Variants in TMOD3 observed in about 807,000 individuals in gnomAD.
The protein encoded by TMOD3 is tropomodulin-3.
A neutral mutation model predicts 39.2 loss-of-function variants in TMOD3; 20 were observed. The ratio of observed to expected loss-of-function variants is 0.51; its 90% CI spans 0.36 to 0.74. The LOEUF is 0.74. Among genes scored for constraint, TMOD3 ranks in the 30% least tolerant of loss-of-function variants. The probability of loss-of-function intolerance (pLI) is 0.00; values close to 1 mark genes in which losing one functional copy is unlikely to be tolerated. For missense variants in TMOD3, 381 were observed against 412.8 expected, an observed-to-expected ratio of 0.92 and a Z score of 0.67; for synonymous variants, 143 against 145.8, an observed-to-expected ratio of 0.98 and a Z score of 0.14.
At chr15:51,898,524 T>A (rs950925543) in intron 7 of TMOD3, among the ~76,000 whole-genome samples, 2 of 152,350 alleles carry the variant, frequency 1.3e-5, no homozygotes, top group African/African-American at 4.8e-5. Flanking sequence ...ATGTGTTTTA[T>A]CTCTGAATCT....
In TMOD3 at chr15:51,897,470, C is replaced by CA. The variant is rs1365380888; in HGVS notation, c.735+956dup. ...TTCAATCTTTCATTGCTCAGGCAAA[C>CA]AAAAAAAAAAAATTTTTTTTTTTTT... On this transcript the variant is annotated intron_variant, in intron 7 of 9. Coordinates refer to ENST00000308580, the MANE Select transcript of TMOD3 (RefSeq NM_014547.5). 3.1e-4 allele frequency among the ~76,000 whole-genome samples: 39 copies of CA among 125,058 alleles called. 1 individual carries two copies. The South Asian group carries it at 4.7e-3, about 15-fold the overall frequency. The allele number at this position is 125,058 out of a possible 152,430, so 82.0% of individuals were successfully genotyped here.
chr15:51,897,475 A>AG (rs1373334593), intron 7 of TMOD3, among the ~76,000 whole-genome samples: 27 of 141,418 alleles, frequency 1.9e-4, no homozygotes, highest in African/African-American at 7.2e-4. Context: ...GCAAACAAAA[A>AG]AAAAAAATTT....
chr15:51,860,587 A>C, intron 1 of TMOD3: 1 of 560,388 alleles, frequency 1.8e-6, no homozygotes, highest in Non-Finnish European at 3.6e-6. Flanking sequence ...TGAATGGCCA[A>C]CATGGCAGAG....
intron 5 of TMOD3, among the ~76,000 whole-genome samples, chr15:51,891,243 C>A (rs966795152): frequency 7.7e-6 from 1 of 129,134 alleles, no homozygotes; most frequent in Non-Finnish European, 1.6e-5. Flanking sequence ...CAACCTCTTT[C>A]CTTTTTTTTT....
intron 3 of TMOD3, among the ~76,000 whole-genome samples, chr15:51,883,417 C>T (rs2056544330): frequency 6.6e-6 from 1 of 151,982 alleles, no homozygotes; most frequent in Non-Finnish European, 1.5e-5. Flanking sequence ...ATCGGTCCCT[C>T]AAATAAGACA....
intron 1 of TMOD3, among the ~76,000 whole-genome samples, chr15:51,851,151 A>T (rs1040975237): frequency 2.6e-5 from 4 of 152,118 alleles, no homozygotes; most frequent in Admixed American, 2.6e-4. Flanking sequence ...GGGGGGTGAT[A>T]ACCATGGGGA....
chr15:51,901,909 A>C lies in TMOD3; in HGVS notation c.897A>C (p.Thr299=). 1.2e-6 allele frequency: 2 copies of C among 1,614,062 alleles called. No individual in the cohort carries two copies. The highest frequency in any genetic ancestry group is 1.7e-6 in the Non-Finnish European group (2 of 1,179,990). ...KIDNQRQQLG[T]AVELEMAKML... ...TACTCCAGAGGCAGCAGTTGGGGAC[A>C]GCTGTAGAATTGGAAATGGCCAAGA... The change falls in exon 9 of 10, where the codon ACA becomes ACC. Residue 299 remains threonine (T), a synonymous_variant. Coordinates refer to ENST00000308580, the MANE Select transcript of TMOD3 (RefSeq NM_014547.5).
chr15:51,887,021 C>T (rs1047316814), intron 3 of TMOD3, among the ~76,000 whole-genome samples: 1 of 151,922 alleles, frequency 6.6e-6, no homozygotes, highest in African/African-American at 2.4e-5. Context: ...TAGTTTGAGA[C>T]CAGCCTGGCC....
At chr15:51,864,914 C>G (rs893249776) in intron 2 of TMOD3, among the ~76,000 whole-genome samples, 2 of 151,974 alleles carry the variant, frequency 1.3e-5, no homozygotes, top group African/African-American at 2.4e-5. Flanking sequence ...TCTAGCCAGC[C>G]CTGGAAGGAG....
chr15:51,878,134 A>G (rs904868203), intron 3 of TMOD3, among the ~76,000 whole-genome samples: 2 of 152,210 alleles, frequency 1.3e-5, no homozygotes, highest in East Asian at 1.9e-4. Context: ...GCAGCCTGGA[A>G]CCTTTCTCCA....
intron 5 of TMOD3, among the ~76,000 whole-genome samples, chr15:51,889,677 AT>A (rs747333473): frequency 1.4e-3 from 210 of 152,150 alleles, no homozygotes; most frequent in Non-Finnish European, 1.7e-3. Context: ...CAGGACCAGC[AT>A]TGGAAACGTA....
intron 1 of TMOD3, among the ~76,000 whole-genome samples, chr15:51,834,331 T>G (rs964637041): frequency 7.2e-5 from 11 of 152,206 alleles, no homozygotes; most frequent in Non-Finnish European, 1.3e-4. Flanking sequence ...TAGTGTTTTT[T>G]GTCCTGACCA....
intron 3 of TMOD3, among the ~76,000 whole-genome samples, chr15:51,887,156 G>A (rs1417043157): frequency 1.3e-5 from 2 of 151,204 alleles, no homozygotes; most frequent in Non-Finnish European, 2.9e-5. Flanking sequence ...GGGAGGTGGA[G>A]GTTGCAGTGA....
intron 1 of TMOD3, among the ~76,000 whole-genome samples, chr15:51,853,649 GATA>G (rs1220041562): frequency 6.6e-6 from 1 of 152,088 alleles, no homozygotes; most frequent in Non-Finnish European, 1.5e-5. Context: ...TATATATAAA[GATA>G]ATAACAACAG....
intron 1 of TMOD3, chr15:51,859,642 C>T (rs2056406206): frequency 1.9e-6 from 1 of 516,286 alleles, no homozygotes; most frequent in African/African-American, 2.0e-5. Flanking sequence ...TCACTCCACT[C>T]TGCCAAGAAG....
At chr15:51,830,925 C>A (rs1233999352) in intron 1 of TMOD3, among the ~76,000 whole-genome samples, 2 of 152,136 alleles carry the variant, frequency 1.3e-5, no homozygotes, top group Non-Finnish European at 2.9e-5. Context: ...CACATTCCTA[C>A]GAAAGGAACA....
intron 5 of TMOD3, 35 bp from the exon 6 acceptor site, chr15:51,893,780 G>T: frequency 6.9e-7 from 1 of 1,453,010 alleles, no homozygotes. Flanking sequence ...AAAAAAAATG[G>T]TATCAAATCC....
In TMOD3 at chr15:51,895,471, T is replaced by C. The variant is rs534763920; in HGVS notation, c.628-948T>C. Among the ~76,000 whole-genome samples the C allele has an allele frequency of 3.9e-5, 6 of 152,228 alleles. No individual in the cohort carries two copies. The East Asian group carries it at 1.2e-3, about 29-fold the overall frequency. On this transcript the variant is annotated intron_variant, in intron 6 of 9. Transcript: ENST00000308580. ...CTGACCTCAAGTGATTCGCCCACCTTGGCCTCCCAAACTGCTGGGATTACA... is the reference window on the plus strand; with the variant it reads ...CTGACCTCAAGTGATTCGCCCACCTCGGCCTCCCAAACTGCTGGGATTACA...
intron 1 of TMOD3, among the ~76,000 whole-genome samples, chr15:51,832,203 TTATA>T (rs3985812): frequency 0.014 from 1,132 of 79,324 alleles, 68 homozygotes; most frequent in African/African-American, 0.041. Flanking sequence ...AGAAAAAAAA[TTATA>T]TATATATATA....
Sources: gnomAD v4.1 joint callset for allele counts (sites outside exome capture counted in the v4.1 genomes callset) on GRCh38, gnomAD v4.1.1 for gene constraint, MANE v1.5 for transcripts, NCBI Gene and HGNC (gene_info 2026-07-23, HGNC 2026-07-21) for gene names.